ZFHX3: variants seen among roughly 807,000 people sequenced by gnomAD.
The protein encoded by ZFHX3 is zinc finger homeobox protein 3.
In ZFHX3, 42 loss-of-function variants were observed where a neutral mutation model predicts 279.1. The ratio of observed to expected loss-of-function variants is 0.15; its 90% confidence interval spans 0.12 to 0.19. The LOEUF is 0.19. ZFHX3 is among the 10% of genes least tolerant of loss of function. The pLI is 1.00. For missense variants in ZFHX3, 4,981 were observed against 4,754.0 expected, an observed-to-expected ratio of 1.05 and a Z score of -1.40; for synonymous variants, 2,293 against 1,957.8, an observed-to-expected ratio of 1.17 and a Z score of -4.52.
intron 2 of ZFHX3, among the ~76,000 whole-genome samples, chr16:73,507,901 A>G (rs2019356452): frequency 6.6e-6 from 1 of 152,158 alleles, no homozygotes; most frequent in Non-Finnish European, 1.5e-5. Context: ...AGTTTGCACA[A>G]TTTTTGTGAG....
chr16:73,153,044 T>C lies in ZFHX3; in HGVS notation c.-1103-9213A>G, dbSNP rs530495258. ...CTTTGTTAGGAGGAGGTCAGCTGGGTTGTCAGATTTTAGCATCTCCTCAGG... is the reference window on the plus strand; with the variant it reads ...CTTTGTTAGGAGGAGGTCAGCTGGGCTGTCAGATTTTAGCATCTCCTCAGG... On this transcript the variant is annotated intron_variant, in intron 5 of 17. Transcript: ENST00000641206. Among the ~76,000 whole-genome samples the C allele has an allele frequency of 8.5e-4, 130 of 152,124 alleles. 1 individual carries two copies. The highest frequency in any genetic ancestry group is 2.6e-3 in the African/African-American group (106 of 41,508).
Position 72,959,633 on chromosome 16 carries a change from C to A in ZFHX3, c.513G>T (p.Leu171=), listed in dbSNP as rs1398783493. 6.2e-7 allele frequency: 1 copy of A among 1,614,078 alleles called. No individual in the cohort carries two copies. The highest frequency in any genetic ancestry group is 8.5e-7 in the Non-Finnish European group (1 of 1,180,018). Residue 171 remains leucine (L), a synonymous_variant, in exon 2 of 10, where the codon CTG becomes CTT. Coordinates refer to ENST00000268489, the MANE Select transcript of ZFHX3 (RefSeq NM_006885.4). ...TGCCCCCCGCGCCAGGGAGAGAGTT[C>A]AGGAAAAGCGAGGGGAGAGGCCCAC... ...SGSGPLPSLF[L]NSLPGAGGKQ...
At chr16:73,203,449 A>T (rs1200088093) in intron 5 of ZFHX3, among the ~76,000 whole-genome samples, 1 of 152,238 alleles carries the variant, frequency 6.6e-6, no homozygotes, top group Non-Finnish European at 1.5e-5. Context: ...CTCTTTCAAT[A>T]GAGCGTAAGC....
chr16:73,807,619 A>ATTTTTTTTTTT (rs1960314019), intron 1 of ZFHX3, among the ~76,000 whole-genome samples: 5 of 93,698 alleles, frequency 5.3e-5, no homozygotes, highest in African/African-American at 2.9e-4. Flanking sequence ...ACCATGCCCC[A>ATTTTTTTTTTT]ATTTTTTTTT....
chr16:72,804,432 T>G (rs1199359506), intron 7 of ZFHX3, among the ~76,000 whole-genome samples: 1 of 152,164 alleles, frequency 6.6e-6, no homozygotes, highest in African/African-American at 2.4e-5. Flanking sequence ...GGAAAATACT[T>G]TCACAGAAAG....
At chr16:73,788,958 T>C (rs1348469187) in intron 1 of ZFHX3, among the ~76,000 whole-genome samples, 7 of 151,352 alleles carry the variant, frequency 4.6e-5, no homozygotes, top group Admixed American at 4.0e-4. Flanking sequence ...TTTTGGCATG[T>C]CTATAATAGT....
intron 7 of ZFHX3, among the ~76,000 whole-genome samples, chr16:72,804,327 A>G (rs759510336): frequency 8.5e-5 from 13 of 152,258 alleles, no homozygotes; most frequent in East Asian, 1.9e-4. Flanking sequence ...GAGCCAGACA[A>G]AAGTTCCTGT....
intron 1 of ZFHX3, among the ~76,000 whole-genome samples, chr16:73,734,864 T>C (rs946044765): frequency 4.6e-5 from 7 of 152,228 alleles, no homozygotes; most frequent in Non-Finnish European, 8.8e-5. Flanking sequence ...ATGTTATCTT[T>C]AAACATCTAC....
At chr16:72,939,678 A>G (rs1960313517) in intron 3 of ZFHX3, among the ~76,000 whole-genome samples, 1 of 152,240 alleles carries the variant, frequency 6.6e-6, no homozygotes, top group South Asian at 2.1e-4. Context: ...ACTTGAGGTC[A>G]GGAGTTCGAG....
At position 73,842,385 on chromosome 16, in the gene ZFHX3, C is replaced by T. The variant is rs571126361; in HGVS notation, c.-1608+49266G>A. Among the ~76,000 whole-genome samples, 683 of 152,150 alleles carry T rather than the reference C, an allele frequency of 4.5e-3. 7 individuals are homozygous for T. Among genetic ancestry groups the T allele is most frequent in the Non-Finnish European group, 4.1e-3 (281 of 68,002 alleles). On this transcript the variant is annotated intron_variant, in intron 1 of 17. Transcript: ENST00000641206. ...GGATCATGGTGGGAAGGAATTACCC[C>T]CCAGCCTTAAGTTCCTGGAGCTGCT... is the stretch of plus-strand genomic sequence containing the variant.
At chr16:73,067,159 T>G (rs1174605297) in intron 8 of ZFHX3, among the ~76,000 whole-genome samples, 1 of 152,080 alleles carries the variant, frequency 6.6e-6, no homozygotes, top group Non-Finnish European at 1.5e-5. Flanking sequence ...GCCTGCGTGT[T>G]TGGTGCTGCA....
chr16:73,712,746 T>C (rs2053376205), intron 1 of ZFHX3, among the ~76,000 whole-genome samples: 2 of 152,282 alleles, frequency 1.3e-5, no homozygotes, highest in Admixed American at 1.3e-4. Context: ...CAAAATCAGC[T>C]TCCTTCACCC....
chr16:72,908,964 C>T (rs1477611117), intron 3 of ZFHX3, among the ~76,000 whole-genome samples: 6 of 152,196 alleles, frequency 3.9e-5, no homozygotes, highest in Non-Finnish European at 5.9e-5. Flanking sequence ...CCCATAGAAA[C>T]GGCGAAAGCT....
rs1474692092 is a variant in ZFHX3 at position 73,037,909 on chromosome 16, A to G, written c.-50+9843T>C. ...AGACCAACACACAGCCATGACTACC[A>G]GCTTGCCATAAATCGTAACTGGCCC... On this transcript the variant is annotated intron_variant, in intron 1 of 9. Coordinates refer to ENST00000268489, the MANE Select transcript of ZFHX3 (RefSeq NM_006885.4). 2.0e-5 allele frequency among the ~76,000 whole-genome samples: 3 copies of G among 152,154 alleles called. No individual in the cohort carries two copies. In the East Asian group the frequency reaches 5.8e-4, roughly 29 times the overall value.
At chr16:73,116,394 G>A (rs1406748720) in intron 7 of ZFHX3, among the ~76,000 whole-genome samples, 1 of 152,144 alleles carries the variant, frequency 6.6e-6, no homozygotes, top group Non-Finnish European at 1.5e-5. Context: ...GTTCTCAAGA[G>A]GAGGAATGAG....
intron 1 of ZFHX3, among the ~76,000 whole-genome samples, chr16:73,858,999 A>C (rs1352266813): frequency 1.3e-5 from 2 of 152,230 alleles, no homozygotes; most frequent in African/African-American, 2.4e-5. Context: ...TTGGAAAAAC[A>C]AAACAAAGCA....
chr16:73,666,404 A>T (rs1486995235), intron 2 of ZFHX3, among the ~76,000 whole-genome samples: 1 of 151,886 alleles, frequency 6.6e-6, no homozygotes, highest in Non-Finnish European at 1.5e-5. Context: ...AGCTCTTATT[A>T]TCAAATATAA....
intron 7 of ZFHX3, among the ~76,000 whole-genome samples, chr16:73,128,765 G>C (rs552804349): frequency 6.6e-6 from 1 of 152,232 alleles, no homozygotes; most frequent in African/African-American, 2.4e-5. Flanking sequence ...CCCAAATCCT[G>C]GTTGTTTCTG....
At chr16:72,871,603 G>A (rs943954461) in intron 4 of ZFHX3, among the ~76,000 whole-genome samples, 1 of 151,908 alleles carries the variant, frequency 6.6e-6, no homozygotes, top group Non-Finnish European at 1.5e-5. Flanking sequence ...GCCTCCCAAA[G>A]TGCTGGAATT....
Sources: gnomAD v4.1 joint callset for allele counts (sites outside exome capture counted in the v4.1 genomes callset) on GRCh38, gnomAD v4.1.1 for gene constraint, MANE v1.5 for transcripts, NCBI Gene and HGNC (gene_info 2026-07-23, HGNC 2026-07-21) for gene names.